The following PCLO variants were observed in gnomAD, a reference collection of about 807,000 sequenced individuals.
PCLO encodes protein piccolo.
Under a neutral mutation model 427.5 loss-of-function variants are expected in PCLO, and 82 were observed. The observed-to-expected ratio is 0.19, with a 90% CI of 0.16 to 0.23. The LOEUF is 0.23. Among genes scored for constraint, PCLO ranks in the 10% least tolerant of loss-of-function variants. PCLO has a pLI of 1.00. For synonymous variants in PCLO, 2,357 were observed against 2,155.4 expected (o/e 1.09, Z -2.59); for missense variants, 6,239 against 6,115.9 (o/e 1.02, Z -0.67).
intron 2 of PCLO, 61 bp from the exon 3 acceptor site, chr7:83,135,717 C>A: frequency 9.8e-7 from 1 of 1,019,340 alleles, no homozygotes; most frequent in South Asian, 1.7e-5. Flanking sequence ...AAAATGTTTT[C>A]AAAACATGCA....
At chr7:82,787,897 T>C (rs1791016984) in intron 22 of PCLO, among the ~76,000 whole-genome samples, 1 of 152,088 alleles carries the variant, frequency 6.6e-6, no homozygotes, top group South Asian at 2.1e-4. Context: ...TATCAGACTA[T>C]CAAAAGTAAT....
At chr7:82,959,975 G>A (rs1429775738) in intron 4 of PCLO, among the ~76,000 whole-genome samples, 2 of 152,104 alleles carry the variant, frequency 1.3e-5, no homozygotes, top group Non-Finnish European at 2.9e-5. Flanking sequence ...GGTGTATCTT[G>A]AGGCCTTCAC....
chr7:82,759,243 A>G (rs546497429), intron 24 of PCLO, among the ~76,000 whole-genome samples: 1 of 151,978 alleles, frequency 6.6e-6, no homozygotes, highest in South Asian at 2.1e-4. Context: ...GTCTCAAACT[A>G]AAGAATTTTT....
chr7:82,795,746 T>C (rs1178598543), intron 22 of PCLO, among the ~76,000 whole-genome samples: 1 of 152,184 alleles, frequency 6.6e-6, no homozygotes, highest in Non-Finnish European at 1.5e-5. Flanking sequence ...TTGTGACAAA[T>C]GAACCAGACA....
chr7:83,134,329 G>A lies in PCLO; in HGVS notation c.3221C>T (p.Pro1074Leu). 2 of 1,608,626 alleles carry A rather than the reference G, an allele frequency of 1.2e-6. No individual in the cohort carries two copies. The highest frequency in any genetic ancestry group is 2.2e-5 in the South Asian group (2 of 90,220). ...TELNIGSKDP[P>L]NFNTCTECKN... ...GCATTCAGTGCAAGTATTGAAGTTA[G>A]GAGGATCCTTAGAACCTATGTTGAG... The change falls in exon 3 of 25, where the codon CCT (proline) becomes CTT (leucine). Residue 1074 changes from proline (P) to leucine (L), a missense_variant. Pro to Leu is a moderately conservative substitution (Grantham distance 98). Transcript: ENST00000333891.
rs139286205 is a variant in PCLO, at chr7:83,150,790, T to A, written c.1893+3958A>T. Among the ~76,000 whole-genome samples the A allele has an allele frequency of 7.9e-5, 12 of 152,314 alleles. No homozygotes were observed. The East Asian group carries it at 2.3e-3, about 29-fold the overall frequency. Reference sequence around the variant, plus strand: ...CCCATACATTACGCAAGCAAAGATTTACATGCATATAAACAACAAGCTGGA... The same window carrying A: ...CCCATACATTACGCAAGCAAAGATTAACATGCATATAAACAACAAGCTGGA... On this transcript the variant is annotated intron_variant, in intron 2 of 24. Coordinates refer to ENST00000333891, the MANE Select transcript of PCLO (RefSeq NM_033026.6).
intron 2 of PCLO, among the ~76,000 whole-genome samples, chr7:83,149,877 T>C (rs1405123869): frequency 6.6e-6 from 1 of 152,200 alleles, no homozygotes; most frequent in African/African-American, 2.4e-5. Context: ...AAAGTTGATA[T>C]ATGCAAGTCA....
At position 83,077,750 on chromosome 7, in the gene PCLO, T is replaced by A. The variant is rs1463271570; in HGVS notation, c.3300+56500A>T. ...CTCATGGAATCTAATCACACCTGAA[T>A]TAATCATTTCCACAAATGGATTATT... On this transcript the variant is annotated intron_variant, in intron 3 of 24. Coordinates refer to ENST00000333891, the MANE Select transcript of PCLO (RefSeq NM_033026.6). Among the ~76,000 whole-genome samples, 4 of 152,118 alleles carry A rather than the reference T, an allele frequency of 2.6e-5. 1 individual carries two copies. The highest frequency in any genetic ancestry group is 9.7e-5 in the African/African-American group (4 of 41,412).
chr7:82,972,995 C>T (rs1241554368), intron 3 of PCLO, among the ~76,000 whole-genome samples: 1 of 151,974 alleles, frequency 6.6e-6, no homozygotes, highest in Non-Finnish European at 1.5e-5. Context: ...CGCATTTTTA[C>T]AATTCAATGT....
rs377224328 is a variant in PCLO, at chr7:82,801,417, G to A, written c.15007+101C>T. 5.7e-5 allele frequency: 38 copies of A among 664,220 alleles called. No homozygotes were observed. The African/African-American group carries it at 6.6e-4, about 12-fold the overall frequency. 41.1% of individuals were successfully genotyped at this position (664,220 alleles called of 1,614,324 possible). ...TTACTACCTATTGCTTTTGCCATTA[G>A]TTTGTAACATTTAAATTCATGTTAA... On this transcript the variant is annotated intron_variant, in intron 22 of 24. Transcript: ENST00000333891.
At chr7:82,919,842 C>G (rs1187667071) in intron 6 of PCLO, among the ~76,000 whole-genome samples, 2 of 151,942 alleles carry the variant, frequency 1.3e-5, no homozygotes, top group Non-Finnish European at 2.9e-5. Context: ...CTATTCAATT[C>G]ACTTAGACAG....
At chr7:83,087,638 T>C (rs1367801009) in intron 3 of PCLO, among the ~76,000 whole-genome samples, 3 of 152,150 alleles carry the variant, frequency 2.0e-5, no homozygotes, top group Non-Finnish European at 4.4e-5. Context: ...CATTTTTCTT[T>C]ATATCTTTTG....
At chr7:82,895,683 C>T (rs1793886824) in intron 9 of PCLO, among the ~76,000 whole-genome samples, 1 of 151,830 alleles carries the variant, frequency 6.6e-6, no homozygotes, top group Non-Finnish European at 1.5e-5. Flanking sequence ...ATGATGAATA[C>T]ATTTGTGACA....
chr7:82,948,340 CATAA>C (rs979319511), intron 6 of PCLO, among the ~76,000 whole-genome samples: 12 of 150,836 alleles, frequency 8.0e-5, no homozygotes, highest in African/African-American at 2.9e-4. Flanking sequence ...AACTAGAAAA[CATAA>C]ATAAATTTAT....
chr7:82,881,638 A>G (rs1793511279), intron 9 of PCLO, among the ~76,000 whole-genome samples: 1 of 152,084 alleles, frequency 6.6e-6, no homozygotes, highest in South Asian at 2.1e-4. Flanking sequence ...CCTCTTGTTG[A>G]CATTGCTGCT....
intron 3 of PCLO, among the ~76,000 whole-genome samples, chr7:83,116,271 A>G (rs904402159): frequency 1.3e-5 from 2 of 152,128 alleles, no homozygotes; most frequent in African/African-American, 4.8e-5. Flanking sequence ...AATGCAATCA[A>G]TTTATTTAAA....
intron 3 of PCLO, among the ~76,000 whole-genome samples, chr7:82,971,618 T>C (rs1345337321): frequency 4.1e-5 from 6 of 147,722 alleles, no homozygotes; most frequent in Non-Finnish European, 9.0e-5. Flanking sequence ...TATGATATCG[T>C]ATAGATATAT....
In PCLO at chr7:82,966,352, G is replaced by C; in HGVS notation, c.3436C>G (p.Gln1146Glu). Reference sequence around the variant, plus strand: ...ACTTGGGGAGGCACTGCTGTTTTCTGAGATGATGATTCTGTAGGAACAGGC... The same window carrying C: ...ACTTGGGGAGGCACTGCTGTTTTCTCAGATGATGATTCTGTAGGAACAGGC... Reference protein sequence around the residue: ...PMPVPTESSSQKTAVPPQVKL... With the variant: ...PMPVPTESSSEKTAVPPQVKL... The change falls in exon 4 of 25, where the codon CAG becomes GAG. Residue 1146 changes from glutamine to glutamate, a missense_variant. Physicochemically the swap from Gln to Glu is conservative, Grantham distance 29. Coordinates refer to ENST00000333891, the MANE Select transcript of PCLO (RefSeq NM_033026.6). 1 of 1,613,822 alleles carries C rather than the reference G, an allele frequency of 6.2e-7. No individual in the cohort carries two copies.
At chr7:82,922,860 T>A (rs1333746456) in intron 6 of PCLO, among the ~76,000 whole-genome samples, 1 of 152,040 alleles carries the variant, frequency 6.6e-6, no homozygotes, top group Non-Finnish European at 1.5e-5. Context: ...CATAGCAACA[T>A]ATATTTCATT....
Sources: gnomAD v4.1 joint callset for allele counts (sites outside exome capture counted in the v4.1 genomes callset) on GRCh38, gnomAD v4.1.1 for gene constraint, MANE v1.5 for transcripts, NCBI Gene and HGNC (gene_info 2026-07-23, HGNC 2026-07-21) for gene names.